TMPRSS3: variants seen among roughly 807,000 people sequenced by gnomAD.
The protein encoded by TMPRSS3 is transmembrane protease serine 3.
A neutral mutation model predicts 59.6 loss-of-function variants in TMPRSS3; 55 were observed. The ratio of observed to expected loss-of-function variants is 0.92; its 90% CI spans 0.74 to 1.16. The LOEUF is 1.16. Among genes scored for constraint, TMPRSS3 ranks in the 50% most tolerant of loss-of-function variants. TMPRSS3 has a pLI of 0.00. For synonymous variants in TMPRSS3, 257 were observed against 237.7 expected (o/e 1.08, Z -0.75); for missense variants, 596 against 579.4 (o/e 1.03, Z -0.29).
intron 7 of TMPRSS3, chr21:42,383,562 G>A (rs141313167): frequency 1.6e-5 from 8 of 503,686 alleles, no homozygotes; most frequent in Non-Finnish European, 2.2e-5. Context: ...GCTGGTGCAC[G>A]CACCTCCCTG....
At chr21:42,393,072 C>T (rs1013597970) in intron 2 of TMPRSS3, among the ~76,000 whole-genome samples, 2 of 152,040 alleles carry the variant, frequency 1.3e-5, no homozygotes, top group Admixed American at 1.3e-4. Context: ...CGGTGAAACC[C>T]GCCTCTACTA....
intron 11 of TMPRSS3, 78 bp from the exon 12 acceptor site, chr21:42,375,946 G>A: frequency 1.3e-6 from 2 of 1,584,860 alleles, no homozygotes; most frequent in Admixed American, 1.7e-5. Context: ...AGTCTGCCGT[G>A]TGAGGCTGCT....
At chr21:42,379,700 T>C (rs1189300385) in intron 10 of TMPRSS3, among the ~76,000 whole-genome samples, 1 of 152,162 alleles carries the variant, frequency 6.6e-6, no homozygotes, top group Non-Finnish European at 1.5e-5. Context: ...TTCCACTTGC[T>C]CTTTGTAGGA....
Position 42,375,851 on chromosome 21 carries a change from G to C in TMPRSS3, c.1209C>G (p.Pro403=). 1 of 1,613,500 alleles carries C rather than the reference G, an allele frequency of 6.2e-7. No homozygotes were observed. Among genetic ancestry groups the C allele is most frequent in the South Asian group, 1.1e-5 (1 of 91,068 alleles). ...ACAGCCTCCTCTCTTGACACACCAG[G>C]GGCCCCCCGCTGTCCCCCTGGGTGA... ...VDSCQGDSGG[P]LVCQERRLWK... is the part of the protein sequence containing the mutation. Residue 403 remains proline (P), a synonymous_variant, in exon 12 of 13, where the codon CCC becomes CCG. Transcript: ENST00000644384.
chr21:42,380,214 T>C lies in TMPRSS3; in HGVS notation c.953-2A>G, dbSNP rs2052503330. On this transcript the variant is annotated splice_acceptor_variant, in intron 9 of 12. Coordinates refer to ENST00000644384, the MANE Select transcript of TMPRSS3 (RefSeq NM_001256317.3). LOFTEE classifies it high-confidence loss of function. ...GCAGGCACACAGGCTGGATCATTTC[T>C]GCTTGAAGGGAAACAATAGTTCACA... is the stretch of plus-strand genomic sequence containing the variant. The C allele has an allele frequency of 1.2e-6, 2 of 1,612,166 alleles. No individual in the cohort carries two copies. Among genetic ancestry groups the C allele is most frequent in the African/African-American group, 2.7e-5 (2 of 74,884 alleles).
At chr21:42,379,214 G>C (rs576005194) in intron 10 of TMPRSS3, among the ~76,000 whole-genome samples, 1 of 151,646 alleles carries the variant, frequency 6.6e-6, no homozygotes, top group Non-Finnish European at 1.5e-5. Flanking sequence ...TTTTTGTAGA[G>C]ACAGGGTCTT....
chr21:42,375,760 T>C lies in TMPRSS3; in HGVS notation c.1300A>G (p.Thr434Ala). The C allele has an allele frequency of 6.2e-7, 1 of 1,613,646 alleles. No individual in the cohort carries two copies. The highest frequency in any genetic ancestry group is 1.1e-5 in the South Asian group (1 of 91,072). ...CAEVNKPGVY[T>A]RVTSFLDWIH... is the part of the protein sequence containing the mutation. ...CAGTCCAGGAAGGAGGTGACACGGG[T>C]GTACACCCCAGGCTTGTTCACCTCT... Residue 434 changes from threonine (T) to alanine (A), a missense_variant, in exon 12 of 13, where the codon ACC (threonine) becomes GCC (alanine). Physicochemically the swap from Thr to Ala is moderately conservative, Grantham distance 58. Coordinates refer to ENST00000644384, the MANE Select transcript of TMPRSS3 (RefSeq NM_001256317.3).
In TMPRSS3 at chr21:42,382,194, C is replaced by A; in HGVS notation, c.823G>T (p.Val275Phe). The change falls in exon 9 of 13, where the codon GTT becomes TTT. Residue 275 changes from valine to phenylalanine, a missense_variant. Transcript: ENST00000644384. ...PKSWTIQVGL[V>F]SLLDNPAPSH... ...GGGGCTGGATTGTCCAACAGGGAAA[C>A]TAGACCCACCTGGATGGTCCATGAC... is the stretch of plus-strand genomic sequence containing the variant. 1.2e-6 allele frequency: 2 copies of A among 1,614,204 alleles called. No homozygotes were observed. The highest frequency in any genetic ancestry group is 2.7e-5 in the African/African-American group (2 of 75,050).
rs998754297 is a variant in TMPRSS3, at chr21:42,384,092, G to A, written c.573-79C>T. The A allele has an allele frequency of 5.1e-5, 71 of 1,399,340 alleles. No homozygotes were observed. In the East Asian group the frequency reaches 1.6e-3, roughly 32 times the overall value. The allele number at this position is 1,399,340 out of a possible 1,614,324, so 86.7% of individuals were successfully genotyped here. On this transcript the variant is annotated intron_variant, in intron 6 of 12. Transcript: ENST00000644384. ...AACACTCTTAAAAACTCAATCTTAG[G>A]GTAACAGAAAAATAAATTCTATTTC...
At position 42,389,997 on chromosome 21, in the gene TMPRSS3, T is replaced by A. The variant is rs140388341; in HGVS notation, c.135A>T (p.Pro45=). The change falls in exon 3 of 13, where the codon CCA becomes CCT. Residue 45 remains proline (P), a synonymous_variant. Transcript: ENST00000644384. ...TGACGATGATTGGAAAAAACTTCAA[T>A]GGCAGCAGTGACAGGATCTGTGCAG... The part of the protein sequence containing the change: ...AVAAQILSLL[P]LKFFPIIVIG... 1 of 1,614,202 alleles carries A rather than the reference T, an allele frequency of 6.2e-7. No individual in the cohort carries two copies. Among genetic ancestry groups the A allele is most frequent in the Non-Finnish European group, 8.5e-7 (1 of 1,180,024 alleles).
chr21:42,381,885 C>T, intron 9 of TMPRSS3, 180 bp downstream of exon 9: 1 of 817,370 alleles, frequency 1.2e-6, no homozygotes, highest in Non-Finnish European at 2.0e-6. Flanking sequence ...CTAGGAGCAT[C>T]ACAATTTTAA....
intron 10 of TMPRSS3, 37 bp from the exon 11 acceptor site, chr21:42,376,720 G>C (rs1212666317): frequency 6.2e-7 from 1 of 1,613,316 alleles, no homozygotes; most frequent in Non-Finnish European, 8.5e-7. Flanking sequence ...GTGTGAGAAG[G>C]AAGCCCGGCC....
intron 5 of TMPRSS3, 47 bp from the exon 6 acceptor site, chr21:42,385,581 T>C: frequency 1.2e-6 from 2 of 1,611,442 alleles, no homozygotes; most frequent in Non-Finnish European, 1.7e-6. Context: ...ACTTTACACT[T>C]TGAAGCATTC....
intron 12 of TMPRSS3, among the ~76,000 whole-genome samples, chr21:42,374,406 G>A (rs1019070362): frequency 2.0e-5 from 3 of 152,260 alleles, no homozygotes; most frequent in Non-Finnish European, 4.4e-5. Flanking sequence ...CCATTCTTTA[G>A]TTTCTCATTT....
intron 9 of TMPRSS3, among the ~76,000 whole-genome samples, chr21:42,381,115 A>G (rs928994954): frequency 3.9e-5 from 6 of 152,028 alleles, no homozygotes; most frequent in African/African-American, 1.2e-4. Context: ...AGAGGGAATT[A>G]ACCTATTTAT....
intron 7 of TMPRSS3, chr21:42,383,561 C>T (rs1403511905): frequency 5.9e-6 from 3 of 505,376 alleles, no homozygotes; most frequent in East Asian, 7.4e-5. Flanking sequence ...CGCTGGTGCA[C>T]GCACCTCCCT....
rs56027016 is a variant in TMPRSS3, at chr21:42,384,197, T to C, written c.573-184A>G. On this transcript the variant is annotated intron_variant, in intron 6 of 12. Transcript: ENST00000644384. ...CATGAGGATGAGGTCACACAATTCA[T>C]TGTAAAACACTCAACTAACAGTGAA... Among the ~76,000 whole-genome samples, 1,799 of 151,660 alleles carry C rather than the reference T, an allele frequency of 0.012. 15 individuals are homozygous for C. Among genetic ancestry groups the C allele is most frequent in the Middle Eastern group, 0.014 (4 of 290 alleles).
At position 42,388,305 on chromosome 21, in the gene TMPRSS3, T is replaced by TA. The variant is rs775017387; in HGVS notation, c.446+97dup. On this transcript the variant is annotated intron_variant, in intron 5 of 12. Transcript: ENST00000644384. The surrounding 1 kb of genome is among the most constrained non-coding windows in gnomAD (Gnocchi z 5.1). ...ATGTGAGGATGTAATCTGAGAGCGT[T>TA]AAAGCACCCAATAGTGCCCAACTAA... 6.5e-7 allele frequency: 1 copy of TA among 1,547,740 alleles called. No homozygotes were observed. The highest frequency in any genetic ancestry group is 8.9e-7 in the Non-Finnish European group (1 of 1,121,188).
At chr21:42,383,258 G>T in intron 7 of TMPRSS3, 60 bp from the exon 8 acceptor site, 1 of 1,575,790 alleles carries the variant, frequency 6.3e-7, no homozygotes, top group Non-Finnish European at 8.7e-7. Flanking sequence ...GGGACATGGT[G>T]TCACCACCAT....
Sources: gnomAD v4.1 joint callset for allele counts (sites outside exome capture counted in the v4.1 genomes callset) on GRCh38, gnomAD v4.1.1 for gene constraint, Gnocchi (gnomAD v3.1) non-coding constraint, MANE v1.5 for transcripts, NCBI Gene and HGNC (gene_info 2026-07-23, HGNC 2026-07-21) for gene names.